MSI2: variants seen among roughly 807,000 people sequenced by gnomAD.
MSI2 encodes the protein musashi RNA binding protein 2, also known as RNA-binding protein Musashi homolog 2.
MSI2 carries 17 observed loss-of-function variants against 45.6 expected under a neutral mutation model. The ratio of observed to expected loss-of-function variants is 0.37; its 90% CI spans 0.26 to 0.56. MSI2 has a LOEUF of 0.56. MSI2 is among the 20% of genes least tolerant of loss of function. The probability of loss-of-function intolerance (pLI) is 0.77; values close to 1 mark genes in which losing one functional copy is unlikely to be tolerated. For missense variants in MSI2, 293 were observed against 444.2 expected, an observed-to-expected ratio of 0.66 and a Z score of 3.06; for synonymous variants, 156 against 158.2, an observed-to-expected ratio of 0.99 and a Z score of 0.11.
intron 11 of MSI2, among the ~76,000 whole-genome samples, chr17:57,670,866 C>G (rs1325355428): frequency 1.3e-5 from 2 of 152,170 alleles, no homozygotes; most frequent in Non-Finnish European, 2.9e-5. Flanking sequence ...TTACAGAGCT[C>G]TGTCTCTTTT....
intron 5 of MSI2, among the ~76,000 whole-genome samples, chr17:57,291,844 C>G (rs761182283): frequency 1.3e-5 from 2 of 152,022 alleles, no homozygotes; most frequent in Non-Finnish European, 2.9e-5. Flanking sequence ...ACCCCACTGT[C>G]TACAGCCATA....
At chr17:57,448,485 AT>A (rs2084938609) in intron 6 of MSI2, 1 of 152,216 alleles carries the variant, frequency 6.6e-6, no homozygotes, top group Admixed American at 6.5e-5. Flanking sequence ...TTCTCTTCCC[AT>A]CGCCCTCACC....
chr17:57,679,628 C>A lies in MSI2; in HGVS notation c.*111C>A, dbSNP rs12450649. On this transcript the variant is annotated 3_prime_UTR_variant, in exon 14 of 14. Transcript: ENST00000284073. ...TTAGGTGATGTCCTCAGACCTGGAC[C>A]CCCACCAGCCTCACTCCCCATCCCA... The A allele has an allele frequency of 5.5e-4, 582 of 1,063,776 alleles. 1 individual carries two copies. The Middle Eastern group carries it at 0.012, about 22-fold the overall frequency. The allele number at this position is 1,063,776 out of a possible 1,614,324, so 65.9% of individuals were successfully genotyped here.
At chr17:57,327,310 G>T (rs944131385) in intron 5 of MSI2, among the ~76,000 whole-genome samples, 5 of 152,098 alleles carry the variant, frequency 3.3e-5, no homozygotes, top group African/African-American at 1.2e-4. Context: ...CAAATCTGAG[G>T]CCCAGAGAGG....
intron 5 of MSI2, chr17:57,274,182 C>G (rs1908655434): frequency 6.6e-6 from 1 of 152,228 alleles, no homozygotes; most frequent in Non-Finnish European, 1.5e-5. Flanking sequence ...GAGGCTGGAT[C>G]CTACTCACCC....
intron 5 of MSI2, among the ~76,000 whole-genome samples, chr17:57,333,459 A>G (rs971204555): frequency 1.4e-5 from 2 of 147,240 alleles, no homozygotes; most frequent in Non-Finnish European, 3.0e-5. Flanking sequence ...TTTTTTTGAG[A>G]CAGAGTCTCA....
At chr17:57,425,902 G>A (rs572503310) in intron 6 of MSI2, among the ~76,000 whole-genome samples, 140 of 152,272 alleles carry the variant, frequency 9.2e-4, no homozygotes, top group Non-Finnish European at 1.6e-3. Context: ...TGAGCTTTTG[G>A]TCTTAGGATT....
intron 5 of MSI2, among the ~76,000 whole-genome samples, chr17:57,310,143 C>T (rs1037862010): frequency 6.6e-6 from 1 of 152,228 alleles, no homozygotes; most frequent in Non-Finnish European, 1.5e-5. Flanking sequence ...CTGCCTGGAC[C>T]TGTGTTCTGC....
chr17:57,411,187 A>G (rs1238626911), intron 6 of MSI2, among the ~76,000 whole-genome samples: 6 of 151,946 alleles, frequency 3.9e-5, no homozygotes, highest in African/African-American at 1.5e-4. Context: ...TTGTATTTTT[A>G]GTAGAGACAG....
chr17:57,471,625 C>T (rs1192583028), intron 6 of MSI2, among the ~76,000 whole-genome samples: 2 of 152,150 alleles, frequency 1.3e-5, no homozygotes, highest in South Asian at 2.1e-4. Context: ...TATTACTCTT[C>T]GTGTTTTCTC....
chr17:57,384,324 T>A (rs964429143), intron 5 of MSI2, among the ~76,000 whole-genome samples: 3 of 152,154 alleles, frequency 2.0e-5, no homozygotes, highest in Non-Finnish European at 4.4e-5. Context: ...TGAAGGCTTG[T>A]TCACTCATAT....
intron 9 of MSI2, among the ~76,000 whole-genome samples, chr17:57,619,425 G>A (rs1908071155): frequency 6.6e-6 from 1 of 152,260 alleles, no homozygotes; most frequent in South Asian, 2.1e-4. Context: ...AGAGTCTGGG[G>A]GTGGTTGGAG....
chr17:57,654,652 G>A (rs1299653159), intron 11 of MSI2, among the ~76,000 whole-genome samples: 1 of 152,156 alleles, frequency 6.6e-6, no homozygotes, highest in Non-Finnish European at 1.5e-5. Flanking sequence ...TCCTCCCCAG[G>A]ATGCTCCTGC....
intron 5 of MSI2, among the ~76,000 whole-genome samples, chr17:57,291,291 T>C (rs1016302014): frequency 1.3e-5 from 2 of 152,242 alleles, no homozygotes; most frequent in African/African-American, 4.8e-5. Context: ...TTTCGCTGTG[T>C]ACATGTGTGA....
At chr17:57,330,390 T>G (rs558932723) in intron 5 of MSI2, among the ~76,000 whole-genome samples, 52 of 151,856 alleles carry the variant, frequency 3.4e-4, no homozygotes, top group African/African-American at 1.1e-3. Context: ...GCTCCAGCGA[T>G]TCTCCTGCCT....
intron 6 of MSI2, among the ~76,000 whole-genome samples, chr17:57,492,315 C>G (rs2085889372): frequency 6.6e-6 from 1 of 152,204 alleles, no homozygotes; most frequent in Non-Finnish European, 1.5e-5. Context: ...TTCTTCTCCA[C>G]AATTATTTTC....
At chr17:57,521,282 C>T (rs1481457435) in intron 6 of MSI2, among the ~76,000 whole-genome samples, 2 of 152,154 alleles carry the variant, frequency 1.3e-5, no homozygotes, top group Non-Finnish European at 2.9e-5. Context: ...GAACCCCAGG[C>T]CCAGCCCCTG....
intron 7 of MSI2, among the ~76,000 whole-genome samples, chr17:57,531,248 C>T (rs1264470731): frequency 6.6e-6 from 1 of 152,226 alleles, no homozygotes; most frequent in Non-Finnish European, 1.5e-5. Context: ...GGAAAAATCA[C>T]TTAACTTCTT....
intron 5 of MSI2, among the ~76,000 whole-genome samples, chr17:57,377,947 C>T (rs1347963083): frequency 6.6e-6 from 1 of 152,012 alleles, no homozygotes; most frequent in Non-Finnish European, 1.5e-5. Flanking sequence ...TGGTGGTGTG[C>T]ACCTGTAGTC....
Sources: gnomAD v4.1 joint callset for allele counts (sites outside exome capture counted in the v4.1 genomes callset) on GRCh38, gnomAD v4.1.1 for gene constraint, MANE v1.5 for transcripts, NCBI Gene and HGNC (gene_info 2026-07-23, HGNC 2026-07-21) for gene names.